The following SYNE1 variants were observed in gnomAD, a reference collection of about 807,000 sequenced individuals.
SYNE1 encodes nesprin-1.
SYNE1 carries 616 observed loss-of-function variants against 1,111.0 expected under a neutral mutation model. The observed-to-expected ratio is 0.55, with a 90% confidence interval of 0.52 to 0.59. The LOEUF is 0.59. Ranked by LOEUF, SYNE1 falls within the 20% of genes least tolerant of loss-of-function variation. SYNE1 has a pLI of 0.00. For synonymous variants in SYNE1, 3,855 were observed against 3,825.8 expected, an observed-to-expected ratio of 1.01 and a Z score of -0.28; for missense variants, 10,006 against 10,417.0, an observed-to-expected ratio of 0.96 and a Z score of 1.72.
Position 152,373,235 on chromosome 6 carries a change from T to C in SYNE1, c.9325-16A>G, listed in dbSNP as rs775497148. 4 of 1,601,816 alleles carry C rather than the reference T, an allele frequency of 2.5e-6. No homozygotes were observed. The highest frequency in any genetic ancestry group is 1.7e-5 in the Admixed American group (1 of 58,862). On this transcript the variant is annotated splice_polypyrimidine_tract_variant and intron_variant, in intron 58 of 145. Transcript: ENST00000367255. ...ACAAAAACTCCTATAAAAGAAAATA[T>C]AGAATTAGCCATAATGAAAATATTG... is the stretch of plus-strand genomic sequence containing the variant.
chr6:152,403,185 C>T (rs897726064), intron 46 of SYNE1, among the ~76,000 whole-genome samples: 1 of 152,126 alleles, frequency 6.6e-6, no homozygotes, highest in Non-Finnish European at 1.5e-5. Context: ...GAAACCTGAG[C>T]CTGGAGCCAG....
intron 105 of SYNE1, among the ~76,000 whole-genome samples, chr6:152,247,708 T>C (rs143645671): frequency 0.013 from 1,811 of 143,120 alleles, 20 homozygotes; most frequent in Non-Finnish European, 0.019. Context: ...TATCTCCATA[T>C]TAAAATATAT....
intron 3 of SYNE1, among the ~76,000 whole-genome samples, chr6:152,619,726 G>A (rs1416312380): frequency 2.4e-4 from 36 of 152,044 alleles, no homozygotes; most frequent in South Asian, 2.1e-4. Flanking sequence ...ACTGAGAGGC[G>A]GGGCAGTGAC....
rs143851739 is a variant in SYNE1, at chr6:152,334,229, G to A, written c.12573C>T (p.Thr4191=). Residue 4191 remains threonine, a synonymous_variant, in exon 77 of 146, where the codon ACC becomes ACT. Transcript: ENST00000367255. ...TTAACTTATTCACCTTTTCTATTAT[G>A]GTGTTCACGGATGCCTGTTTGCTCT... ...KLQSKQASVN[T]IIEKVNKLTK... 103 of 1,613,776 alleles carry A rather than the reference G, an allele frequency of 6.4e-5. No homozygotes were observed. Among genetic ancestry groups the A allele is most frequent in the Non-Finnish European group, 7.9e-5 (93 of 1,180,004 alleles).
chr6:152,631,949 C>G (rs2099698615), intron 2 of SYNE1, among the ~76,000 whole-genome samples: 1 of 152,176 alleles, frequency 6.6e-6, no homozygotes, highest in South Asian at 2.1e-4. Context: ...AGAACACTTT[C>G]AGCTGAACAA....
chr6:152,467,239 CTTTAT>C (rs2154273084), intron 16 of SYNE1, among the ~76,000 whole-genome samples: 1 of 152,118 alleles, frequency 6.6e-6, no homozygotes, highest in African/African-American at 2.4e-5. Context: ...CTTTAATTGG[CTTTAT>C]TTTATTTGTT....
Position 152,358,413 on chromosome 6 carries a change from C to T in SYNE1, c.10568G>A (p.Gly3523Asp), listed in dbSNP as rs766218121. The part of the protein sequence containing the change: ...EKLDQYSVLE[G>D]DAHTHETTLR... ...TGTTGTCTCATGAGTGTGGGCATCACCTTCAAGAACTGAATACTGGTCGAG... is the reference window on the plus strand; with the variant it reads ...TGTTGTCTCATGAGTGTGGGCATCATCTTCAAGAACTGAATACTGGTCGAG... Residue 3523 changes from glycine (G) to aspartate (D), a missense_variant, in exon 66 of 146, where the codon GGT becomes GAT. This residue lies in a region of SYNE1 where 4,955 missense variants were observed against 5,017.2 expected (regional missense o/e 0.99). Transcript: ENST00000367255. 20 of 1,614,072 alleles carry T rather than the reference C, an allele frequency of 1.2e-5. No individual in the cohort carries two copies. In the South Asian group the frequency reaches 2.2e-4, roughly 18 times the overall value.
chr6:152,241,553 G>A (rs2085717237), intron 107 of SYNE1, among the ~76,000 whole-genome samples: 1 of 97,442 alleles, frequency 1.0e-5, no homozygotes, highest in African/African-American at 4.4e-5. Context: ...TTCTACCATG[G>A]AGTAGTGTCC....
intron 3 of SYNE1, among the ~76,000 whole-genome samples, chr6:152,589,048 C>A (rs574715458): frequency 6.6e-6 from 1 of 151,938 alleles, no homozygotes; most frequent in Admixed American, 6.6e-5. Flanking sequence ...CTCCCTGGTT[C>A]AAGCAACCCC....
chr6:152,357,381 C>G (rs1202686804), intron 66 of SYNE1, among the ~76,000 whole-genome samples: 1 of 152,086 alleles, frequency 6.6e-6, no homozygotes, highest in Non-Finnish European at 1.5e-5. Flanking sequence ...CCTGATTTTC[C>G]CACCTTGTTC....
At chr6:152,312,328 G>T (rs983977281) in intron 87 of SYNE1, among the ~76,000 whole-genome samples, 6 of 149,966 alleles carry the variant, frequency 4.0e-5, no homozygotes, top group African/African-American at 1.5e-4. Context: ...TCCTGCCTCA[G>T]CTTCCCGAGT....
In SYNE1 at chr6:152,293,626, G is replaced by T. The variant is rs200701182; in HGVS notation, c.17974C>A (p.Pro5992Thr). The T allele has an allele frequency of 1.9e-6, 3 of 1,614,108 alleles. No individual in the cohort carries two copies. The highest frequency in any genetic ancestry group is 2.2e-5 in the South Asian group (2 of 91,062). The change falls in exon 95 of 146, where the codon CCT (proline) becomes ACT (threonine). Residue 5992 changes from proline to threonine, a missense_variant. By Grantham distance (38) the Pro-to-Thr change is conservative. This residue lies in a region of SYNE1 where 4,955 missense variants were observed against 5,017.2 expected (regional missense o/e 0.99). Coordinates refer to ENST00000367255, the MANE Select transcript of SYNE1 (RefSeq NM_182961.4). ...IELKLSESPEPGRSPESQMAE... is the reference protein window; with the variant it reads ...IELKLSESPETGRSPESQMAE... ...ATCTGGCTTTCTGGACTCCTGCCAG[G>T]CTCTGGGCTCTCACTGAGTTTCAGC...
At chr6:152,628,918 G>A (rs2057399) in intron 2 of SYNE1, among the ~76,000 whole-genome samples, 115,331 of 152,110 alleles carry the variant, frequency 0.76, 44,017 homozygotes, top group African/African-American at 0.85. Context: ...GGGTTCTCTA[G>A]TCTGCTAATT....
chr6:152,228,898 C>T (rs2082148963), intron 115 of SYNE1, among the ~76,000 whole-genome samples: 1 of 144,436 alleles, frequency 6.9e-6, no homozygotes, highest in African/African-American at 2.6e-5. Flanking sequence ...CTTTAAGCAC[C>T]CATTTTCTGA....
At chr6:152,322,839 T>G (rs1362207560) in intron 82 of SYNE1, among the ~76,000 whole-genome samples, 1 of 152,186 alleles carries the variant, frequency 6.6e-6, no homozygotes, top group Non-Finnish European at 1.5e-5. Flanking sequence ...ATGCCTTCTT[T>G]GACCCCTCTC....
At chr6:152,311,927 G>A (rs2095563393) in intron 87 of SYNE1, among the ~76,000 whole-genome samples, 1 of 151,844 alleles carries the variant, frequency 6.6e-6, no homozygotes, top group Non-Finnish European at 1.5e-5. Context: ...ACGCACCCAG[G>A]TGCCCGCCAC....
intron 105 of SYNE1, among the ~76,000 whole-genome samples, chr6:152,247,582 C>T (rs551695192): frequency 6.6e-6 from 1 of 151,574 alleles, no homozygotes; most frequent in South Asian, 2.1e-4. Flanking sequence ...GAAAAATGCA[C>T]AGCCGGATGC....
In SYNE1 at chr6:152,207,954, CTG is replaced by C. The variant is rs763665598; in HGVS notation, c.22824+16_22824+17del. ...GAAATGCCTAAGAGGTGTGAGAACA[CTG>C]TGTTTTGCATCTTACCTGCACTTCA... On this transcript the variant is annotated intron_variant, in intron 125 of 145. Transcript: ENST00000367255. 4 of 1,613,442 alleles carry C rather than the reference CTG, an allele frequency of 2.5e-6. No homozygotes were observed. The highest frequency in any genetic ancestry group is 2.7e-5 in the African/African-American group (2 of 74,936).
chr6:152,451,000 C>A (rs2098643770), intron 26 of SYNE1, 47 bp downstream of exon 26: 1 of 1,612,976 alleles, frequency 6.2e-7, no homozygotes, highest in Admixed American at 1.7e-5. Flanking sequence ...CTTTATGGAA[C>A]AATGTGACTT....
Sources: allele counts gnomAD v4.1 joint callset (sites outside exome capture counted in the v4.1 genomes callset), GRCh38; gene constraint gnomAD v4.1.1; regional missense constraint gnomAD v4.1.1; transcripts MANE v1.5; gene names NCBI Gene and HGNC (gene_info 2026-07-23, HGNC 2026-07-21).